Variants in TRAPPC10 observed in about 807,000 individuals in gnomAD.
The protein encoded by TRAPPC10 is trafficking protein particle complex subunit 10.
A neutral mutation model predicts 125.5 loss-of-function variants in TRAPPC10; 23 were observed. That is an observed-to-expected ratio of 0.18 (90% CI 0.13 to 0.26). The LOEUF is 0.26. TRAPPC10 is among the 10% of genes least tolerant of loss of function. The pLI, the probability that TRAPPC10 is intolerant of heterozygous loss-of-function variation, is 1.00. For synonymous variants in TRAPPC10, 509 were observed against 518.0 expected (o/e 0.98, Z 0.24); for missense variants, 1,123 against 1,308.4 (o/e 0.86, Z 2.19).
chr21:44,039,724 G>A (rs867059405), intron 3 of TRAPPC10, among the ~76,000 whole-genome samples: 14 of 152,156 alleles, frequency 9.2e-5, no homozygotes, highest in African/African-American at 3.1e-4. Context: ...AATTAGCTGG[G>A]CGTGGTGGCA....
chr21:44,038,995 A>C lies in TRAPPC10; in HGVS notation c.285+1068A>C, dbSNP rs1040994662. 3.3e-5 allele frequency among the ~76,000 whole-genome samples: 5 copies of C among 152,324 alleles called. No homozygotes were observed. The East Asian group carries it at 9.6e-4, about 29-fold the overall frequency. On this transcript the variant is annotated intron_variant, in intron 3 of 22. Transcript: ENST00000291574. ...GCCCCCTCTGCCTGGCGTGCCTGAGAAGGACACTGTCCCTGGCCTGCTGTG... is the reference window on the plus strand; with the variant it reads ...GCCCCCTCTGCCTGGCGTGCCTGAGCAGGACACTGTCCCTGGCCTGCTGTG...
chr21:44,022,429 G>A (rs1043947674), intron 1 of TRAPPC10, among the ~76,000 whole-genome samples: 67 of 147,462 alleles, frequency 4.5e-4, no homozygotes, highest in Admixed American at 3.1e-3. Context: ...GATTACAGGC[G>A]TGTGCCACCA....
In TRAPPC10 at chr21:44,030,687, C is replaced by G. The variant is rs553734005; in HGVS notation, c.68-1404C>G. Among the ~76,000 whole-genome samples the G allele has an allele frequency of 1.3e-3, 202 of 152,226 alleles. 1 individual carries two copies. Among genetic ancestry groups the G allele is most frequent in the Admixed American group, 4.1e-3 (62 of 15,294 alleles). Reference sequence around the variant, plus strand: ...TTCTCCATGTTGGTCAGGCTGGTCTCAAACTCCCTACCTCAGGTGATCTGC... The same window carrying G: ...TTCTCCATGTTGGTCAGGCTGGTCTGAAACTCCCTACCTCAGGTGATCTGC... On this transcript the variant is annotated intron_variant, in intron 1 of 22. Coordinates refer to ENST00000291574, the MANE Select transcript of TRAPPC10 (RefSeq NM_003274.5).
chr21:44,093,037 A>G (rs563510949), intron 19 of TRAPPC10, among the ~76,000 whole-genome samples: 1 of 152,108 alleles, frequency 6.6e-6, no homozygotes, highest in Non-Finnish European at 1.5e-5. Context: ...CCTCAGGTGA[A>G]CCACCCACCT....
intron 9 of TRAPPC10, 62 bp from the exon 10 acceptor site, chr21:44,076,490 G>A (rs371536398): frequency 7.3e-7 from 1 of 1,364,630 alleles, no homozygotes; most frequent in Non-Finnish European, 1.0e-6. Context: ...GAAGGTGAAT[G>A]TAAAGTCATG....
At chr21:44,047,566 G>GTGTGTGTGTGTGTGTGTGTGTGCGCGCA (rs60519548) in intron 3 of TRAPPC10, among the ~76,000 whole-genome samples, 1 of 135,594 alleles carries the variant, frequency 7.4e-6, no homozygotes, top group African/African-American at 3.4e-5. Flanking sequence ...GTGTGTGTGT[G>GTGTGTGTGTGTGTGTGTGTGTGCGCGCA]CGCGCACACG....
At chr21:44,058,406 G>A (rs915470823) in intron 5 of TRAPPC10, among the ~76,000 whole-genome samples, 18 of 152,028 alleles carry the variant, frequency 1.2e-4, no homozygotes, top group Non-Finnish European at 2.2e-4. Context: ...GGGAAGGGGT[G>A]GGGGTGGGGG....
chr21:44,028,371 G>T (rs1345361504), intron 1 of TRAPPC10, among the ~76,000 whole-genome samples: 2 of 152,160 alleles, frequency 1.3e-5, no homozygotes, highest in Non-Finnish European at 1.5e-5. Context: ...CCATCCAGCG[G>T]CTCCAGGCGG....
At chr21:44,084,003 A>G in intron 14 of TRAPPC10, 119 bp from the exon 15 acceptor site, 1 of 1,162,616 alleles carries the variant, frequency 8.6e-7, no homozygotes, top group East Asian at 2.5e-5. Context: ...AGGGGGTACA[A>G]GAGGGAAAGA....
rs1423911014 is a variant in TRAPPC10 at position 44,074,392 on chromosome 21, A to G, written c.1107A>G (p.Ile369Met). The G allele has an allele frequency of 6.2e-7, 1 of 1,614,242 alleles. No individual in the cohort carries two copies. The highest frequency in any genetic ancestry group is 1.7e-5 in the Admixed American group (1 of 60,036). ...FLSCLEVLQR[I>M]EGCCDRAQID... is the part of the protein sequence containing the mutation. Reference sequence around the variant, plus strand: ...GCTGTCTGGAGGTGTTGCAGAGGATAGAAGGCTGCTGTGACCGGGCACAGA... The same window carrying G: ...GCTGTCTGGAGGTGTTGCAGAGGATGGAAGGCTGCTGTGACCGGGCACAGA... The change falls in exon 8 of 23, where the codon ATA becomes ATG. Residue 369 changes from isoleucine to methionine, a missense_variant. Ile to Met is a conservative substitution (Grantham distance 10, BLOSUM62 1). This residue lies in a region of TRAPPC10 where 840 missense variants were observed against 902.0 expected (regional missense o/e 0.93). Coordinates refer to ENST00000291574, the MANE Select transcript of TRAPPC10 (RefSeq NM_003274.5).
chr21:44,073,679 T>A (rs2255955), intron 7 of TRAPPC10, among the ~76,000 whole-genome samples: 35,642 of 152,030 alleles, frequency 0.23, 4,580 homozygotes, highest in African/African-American at 0.34. Context: ...CCCTGGGACG[T>A]TTTTCAAATA....
Position 44,017,600 on chromosome 21 carries a change from T to A in TRAPPC10, c.67+5040T>A, listed in dbSNP as rs182322726. On this transcript the variant is annotated intron_variant, in intron 1 of 22. Transcript: ENST00000291574. ...CTAACAAGAGCTGTTTGAAAAAAAATATATATAAGTTGGAAGAAAAAAATA... is the reference window on the plus strand; with the variant it reads ...CTAACAAGAGCTGTTTGAAAAAAAAAATATATAAGTTGGAAGAAAAAAATA... Among the ~76,000 whole-genome samples, 850 of 152,172 alleles carry A rather than the reference T, an allele frequency of 5.6e-3. 12 individuals carry two copies. Among genetic ancestry groups the A allele is most frequent in the African/African-American group, 0.02 (823 of 41,502 alleles).
At chr21:44,061,722 T>C (rs1443651681) in intron 6 of TRAPPC10, among the ~76,000 whole-genome samples, 1 of 152,242 alleles carries the variant, frequency 6.6e-6, no homozygotes, top group Non-Finnish European at 1.5e-5. Context: ...TCTCAGTCTT[T>C]TCATGGAGAA....
intron 3 of TRAPPC10, among the ~76,000 whole-genome samples, chr21:44,045,846 G>C (rs891768593): frequency 6.6e-6 from 1 of 152,064 alleles, no homozygotes; most frequent in African/African-American, 2.4e-5. Flanking sequence ...GTGAGCCACC[G>C]CACCGGGCCA....
At chr21:44,093,405 GATC>G (rs1426059673) in intron 19 of TRAPPC10, among the ~76,000 whole-genome samples, 5 of 151,522 alleles carry the variant, frequency 3.3e-5, no homozygotes, top group Non-Finnish European at 7.4e-5. Flanking sequence ...AATGAGCTGT[GATC>G]ACACCACAGC....
intron 3 of TRAPPC10, among the ~76,000 whole-genome samples, chr21:44,044,624 G>A (rs781657745): frequency 1.5e-4 from 20 of 133,176 alleles, no homozygotes; most frequent in Non-Finnish European, 3.1e-4. Context: ...TAAACAGTCT[G>A]TTATGCCTTG....
intron 15 of TRAPPC10, among the ~76,000 whole-genome samples, chr21:44,086,500 G>A (rs2038144238): frequency 6.6e-6 from 1 of 152,156 alleles, no homozygotes; most frequent in South Asian, 2.1e-4. Flanking sequence ...GGCAAATTTT[G>A]TGACCCTCAG....
rs1003273213 is a variant in TRAPPC10 at position 44,085,664 on chromosome 21, G to A, written c.2381-1138G>A. On this transcript the variant is annotated intron_variant, in intron 15 of 22. Coordinates refer to ENST00000291574, the MANE Select transcript of TRAPPC10 (RefSeq NM_003274.5). ...TGAGGCCTCAGGGAGCTGTGATTGC[G>A]CCACTGTTCTCCAGCGTGGGTGACA... 3.6e-4 allele frequency among the ~76,000 whole-genome samples: 54 copies of A among 151,652 alleles called. 1 individual carries two copies. Among genetic ancestry groups the A allele is most frequent in the African/African-American group, 7.8e-4 (32 of 41,234 alleles).
At chr21:44,086,219 A>G (rs1383613332) in intron 15 of TRAPPC10, among the ~76,000 whole-genome samples, 2 of 150,042 alleles carry the variant, frequency 1.3e-5, no homozygotes, top group Admixed American at 6.6e-5. Context: ...GTCTCTGTCC[A>G]CTCTCCCCCC....
Sources: gnomAD v4.1 joint callset for allele counts (sites outside exome capture counted in the v4.1 genomes callset) on GRCh38, gnomAD v4.1.1 for gene constraint, gnomAD v4.1.1 regional missense constraint, MANE v1.5 for transcripts, NCBI Gene and HGNC (gene_info 2026-07-23, HGNC 2026-07-21) for gene names.